CDH12: variants seen among roughly 807,000 people sequenced by gnomAD.
CDH12 encodes the protein cadherin 12, also known as cadherin-12.
CDH12 carries 41 observed loss-of-function variants against 74.1 expected under a neutral mutation model. The observed-to-expected ratio is 0.55, with a 90% CI of 0.43 to 0.72. The LOEUF (loss-of-function observed/expected upper bound fraction) is 0.72, where lower values mean the gene tolerates loss of function less well. Ranked by LOEUF, CDH12 falls within the 30% of genes least tolerant of loss-of-function variation. CDH12 has a pLI of 0.00. For missense variants in CDH12, 945 were observed against 977.2 expected (o/e 0.97, Z 0.44); for synonymous variants, 399 against 355.0 (o/e 1.12, Z -1.39).
chr5:22,506,234 G>A (rs1250828016), intron 1 of CDH12, among the ~76,000 whole-genome samples: 1 of 152,052 alleles, frequency 6.6e-6, no homozygotes, highest in Non-Finnish European at 1.5e-5. Flanking sequence ...TCCATTTGCT[G>A]GAGGGGAAAA....
intron 2 of CDH12, 74 bp downstream of exon 2, chr5:22,505,196 A>G (rs1378469665): frequency 3.0e-6 from 1 of 334,696 alleles, no homozygotes; most frequent in Non-Finnish European, 4.3e-6. Flanking sequence ...AAGAAGTTTT[A>G]AATAGGATTT....
At chr5:22,035,670 T>A in intron 5 of CDH12, among the ~76,000 whole-genome samples, 1 of 150,884 alleles carries the variant, frequency 6.6e-6, no homozygotes, top group Non-Finnish European at 1.5e-5. Flanking sequence ...GAAAAAAAAC[T>A]TTTATGAAGA....
intron 1 of CDH12, among the ~76,000 whole-genome samples, chr5:22,846,195 T>C (rs574210818): frequency 6.6e-6 from 1 of 152,216 alleles, no homozygotes; most frequent in South Asian, 2.1e-4. Flanking sequence ...TGGGTATATT[T>C]AGGGTGCGGT....
chr5:21,819,286 T>C (rs1685672624), intron 8 of CDH12, among the ~76,000 whole-genome samples: 1 of 151,960 alleles, frequency 6.6e-6, no homozygotes, highest in Non-Finnish European at 1.5e-5. Context: ...AATATAAGGG[T>C]CCCTGAACTT....
intron 4 of CDH12, among the ~76,000 whole-genome samples, chr5:22,131,910 C>T (rs190765713): frequency 6.6e-6 from 1 of 152,136 alleles, no homozygotes; most frequent in African/African-American, 2.4e-5. Flanking sequence ...GTAATGTGCC[C>T]CCTTTTTCTT....
rs866048436 is a variant in CDH12, at chr5:21,933,816, C to T, written c.526+41275G>A. Among the ~76,000 whole-genome samples, 9 of 152,050 alleles carry T rather than the reference C, an allele frequency of 5.9e-5. 1 individual carries two copies. The South Asian group carries it at 6.2e-4, about 11-fold the overall frequency. ...TGGAAAAGAGGAGGTGGAGGAGAAG[C>T]GGTAAGGCAGGGAGAATTCATTACA... On this transcript the variant is annotated intron_variant, in intron 6 of 14. Transcript: ENST00000382254.
At chr5:22,517,919 T>C (rs531171880) in intron 1 of CDH12, among the ~76,000 whole-genome samples, 178 of 152,342 alleles carry the variant, frequency 1.2e-3, no homozygotes, top group African/African-American at 4.2e-3. Flanking sequence ...ATTAATGGAT[T>C]ACAAATGGCT....
chr5:21,826,862 TAA>T (rs879410906), intron 8 of CDH12, among the ~76,000 whole-genome samples: 137 of 152,310 alleles, frequency 9.0e-4, no homozygotes, highest in Middle Eastern at 3.4e-3. Flanking sequence ...GCTATTACTG[TAA>T]CTTCCAGTCA....
intron 5 of CDH12, among the ~76,000 whole-genome samples, chr5:21,998,642 A>T (rs1188921602): frequency 6.6e-6 from 1 of 152,130 alleles, no homozygotes; most frequent in Non-Finnish European, 1.5e-5. Context: ...CTGATGTTAG[A>T]TCTTTATAAA....
chr5:21,942,334 G>GTATATATATATATATATATA (rs761850084), intron 6 of CDH12, among the ~76,000 whole-genome samples: 33 of 107,062 alleles, frequency 3.1e-4, no homozygotes, highest in African/African-American at 1.3e-3. Flanking sequence ...GACAAATACA[G>GTATATATATATATATATATA]TATATATATA....
At chr5:22,218,884 G>A (rs576758868) in intron 3 of CDH12, among the ~76,000 whole-genome samples, 6 of 151,626 alleles carry the variant, frequency 4.0e-5, no homozygotes, top group South Asian at 4.2e-4. Flanking sequence ...AAACCGCATC[G>A]AAGATGGAAT....
intron 4 of CDH12, among the ~76,000 whole-genome samples, chr5:22,178,055 C>T (rs1749437248): frequency 6.6e-6 from 1 of 152,196 alleles, no homozygotes; most frequent in African/African-American, 2.4e-5. Flanking sequence ...TCTTCCCTCA[C>T]TGGCATGTAT....
rs984144526 is a variant in CDH12 at position 22,678,273 on chromosome 5, A to T, written c.-522-172909T>A. ...CACAGGAGCATGTTCTATACACACAATTTTTCTTTGGAGTGTTTGTAGCAA... is the reference window on the plus strand; with the variant it reads ...CACAGGAGCATGTTCTATACACACATTTTTTCTTTGGAGTGTTTGTAGCAA... On this transcript the variant is annotated intron_variant, in intron 1 of 14. Transcript: ENST00000382254. 2.3e-4 allele frequency among the ~76,000 whole-genome samples: 35 copies of T among 152,182 alleles called. 1 individual carries two copies. In the South Asian group the frequency reaches 3.7e-3, roughly 16 times the overall value.
At chr5:22,001,826 C>T (rs1359462380) in intron 5 of CDH12, among the ~76,000 whole-genome samples, 2 of 151,806 alleles carry the variant, frequency 1.3e-5, no homozygotes. Context: ...AAAAAGAAAG[C>T]CACATGTTTG....
chr5:22,723,892 A>C (rs1289539784), intron 1 of CDH12, among the ~76,000 whole-genome samples: 1 of 152,026 alleles, frequency 6.6e-6, no homozygotes, highest in African/African-American at 2.4e-5. Context: ...CTCAGCTCAT[A>C]GGGTTATAAT....
chr5:22,262,933 A>G (rs1343346051), intron 3 of CDH12, among the ~76,000 whole-genome samples: 1 of 151,416 alleles, frequency 6.6e-6, no homozygotes, highest in Non-Finnish European at 1.5e-5. Flanking sequence ...TTCGCAACCT[A>G]CTCATCTGAC....
At chr5:22,028,667 A>G (rs1273430934) in intron 5 of CDH12, among the ~76,000 whole-genome samples, 2 of 152,068 alleles carry the variant, frequency 1.3e-5, no homozygotes, top group Admixed American at 6.6e-5. Context: ...AATCAATATC[A>G]TGAAAATGGC....
intron 6 of CDH12, among the ~76,000 whole-genome samples, chr5:21,935,758 C>T (rs1433783894): frequency 6.6e-6 from 1 of 152,208 alleles, no homozygotes; most frequent in East Asian, 1.9e-4. Context: ...CACTACCCTT[C>T]TCAGCCTGTT....
At chr5:22,801,334 A>G (rs1581013390) in intron 1 of CDH12, among the ~76,000 whole-genome samples, 1 of 152,070 alleles carries the variant, frequency 6.6e-6, no homozygotes, top group Non-Finnish European at 1.5e-5. Flanking sequence ...CAAAGGTGTT[A>G]CTAGCAATGC....
Sources: gnomAD v4.1 joint callset for allele counts (sites outside exome capture counted in the v4.1 genomes callset) on GRCh38, gnomAD v4.1.1 for gene constraint, MANE v1.5 for transcripts, NCBI Gene and HGNC (gene_info 2026-07-23, HGNC 2026-07-21) for gene names.